Variants in MRPS28 observed in about 807,000 individuals in gnomAD.
MRPS28 encodes the protein mitochondrial ribosomal protein S28.
In MRPS28, 7 loss-of-function variants were observed where a neutral mutation model predicts 10.8. The ratio of observed to expected loss-of-function variants is 0.65; its 90% CI spans 0.37 to 1.22. MRPS28 has a LOEUF of 1.22. MRPS28 is among the 50% of genes most tolerant of loss of function. MRPS28 has a pLI of 0.02. For missense variants in MRPS28, 265 were observed against 232.9 expected, an observed-to-expected ratio of 1.14 and a Z score of -0.90; for synonymous variants, 121 against 93.3, an observed-to-expected ratio of 1.30 and a Z score of -1.71.
intron 2 of MRPS28, among the ~76,000 whole-genome samples, chr8:79,974,992 CA>C (rs1563530731): frequency 6.6e-6 from 1 of 152,020 alleles, no homozygotes; most frequent in African/African-American, 2.4e-5. Flanking sequence ...CAAGTAATTT[CA>C]AATAAATAAG....
intron 1 of MRPS28, among the ~76,000 whole-genome samples, chr8:80,011,971 A>G (rs1484691316): frequency 6.6e-6 from 1 of 152,198 alleles, no homozygotes; most frequent in East Asian, 1.9e-4. Context: ...CCTTGGTTTT[A>G]GAAAATTATT....
intron 2 of MRPS28, among the ~76,000 whole-genome samples, chr8:79,973,200 G>A (rs965243154): frequency 1.4e-4 from 21 of 152,092 alleles, no homozygotes; most frequent in African/African-American, 4.8e-4. Context: ...GATGTCAAGG[G>A]GTTCTGCTTC....
At chr8:79,999,742 T>C (rs1191832576) in intron 2 of MRPS28, among the ~76,000 whole-genome samples, 3 of 152,184 alleles carry the variant, frequency 2.0e-5, no homozygotes, top group Non-Finnish European at 4.4e-5. Flanking sequence ...GTAATCAAAC[T>C]ACTGATGTTA....
intron 1 of MRPS28, among the ~76,000 whole-genome samples, chr8:80,015,405 G>C (rs1024880959): frequency 1.3e-5 from 2 of 152,170 alleles, no homozygotes; most frequent in African/African-American, 4.8e-5. Context: ...TGTCCTGGAG[G>C]AAGGGAAATA....
chr8:79,998,462 T>G (rs1808567969), intron 2 of MRPS28, among the ~76,000 whole-genome samples: 1 of 152,220 alleles, frequency 6.6e-6, no homozygotes, highest in Non-Finnish European at 1.5e-5. Flanking sequence ...TAGATCAAAT[T>G]ACTATTGTTC....
chr8:79,972,192 T>A (rs957615285), intron 2 of MRPS28, among the ~76,000 whole-genome samples: 1 of 152,166 alleles, frequency 6.6e-6, no homozygotes, highest in African/African-American at 2.4e-5. Flanking sequence ...ATAGAATTTA[T>A]CTTATATTAG....
In MRPS28 at chr8:80,030,073, T is replaced by C; in HGVS notation, c.176A>G (p.His59Arg). 6.2e-6 allele frequency: 10 copies of C among 1,613,758 alleles called. No homozygotes were observed. The highest frequency in any genetic ancestry group is 8.5e-6 in the Non-Finnish European group (10 of 1,179,800). ...CTCCACCTTCTGTAGAAGCTCCGAGTGCCGCTCCAACGCGCTCGCGAAACC... is the reference window on the plus strand; with the variant it reads ...CTCCACCTTCTGTAGAAGCTCCGAGCGCCGCTCCAACGCGCTCGCGAAACC... ...AGGFASALER[H>R]SELLQKVEPL... Residue 59 changes from histidine (H) to arginine (R), a missense_variant, in exon 1 of 3, where the codon CAC becomes CGC. Coordinates refer to ENST00000276585, the MANE Select transcript of MRPS28 (RefSeq NM_014018.3).
chr8:79,963,014 G>A (rs1001989707), intron 2 of MRPS28, among the ~76,000 whole-genome samples: 1 of 152,052 alleles, frequency 6.6e-6, no homozygotes, highest in Non-Finnish European at 1.5e-5. Flanking sequence ...GGAAGAGCAT[G>A]GCAATGAAAC....
At chr8:79,976,471 A>G (rs898919259) in intron 2 of MRPS28, among the ~76,000 whole-genome samples, 2 of 152,182 alleles carry the variant, frequency 1.3e-5, no homozygotes, top group Admixed American at 6.5e-5. Flanking sequence ...TTGAGAGGCC[A>G]AGGTAGACGG....
intron 2 of MRPS28, among the ~76,000 whole-genome samples, chr8:79,972,858 TATAG>T (rs1807673535): frequency 6.6e-6 from 1 of 152,238 alleles, no homozygotes; most frequent in Admixed American, 6.5e-5. Context: ...ACACAAGGGC[TATAG>T]ATAAATGTCA....
intron 2 of MRPS28, among the ~76,000 whole-genome samples, chr8:79,976,054 A>G (rs1371198305): frequency 6.6e-6 from 1 of 151,956 alleles, no homozygotes; most frequent in African/African-American, 2.4e-5. Context: ...GTATGCAAAA[A>G]TACTGGCAGA....
chr8:79,981,735 C>T (rs746425298), intron 2 of MRPS28, among the ~76,000 whole-genome samples: 6 of 152,086 alleles, frequency 3.9e-5, no homozygotes, highest in Non-Finnish European at 7.4e-5. Context: ...AGAGTTGACA[C>T]TACTATAAGT....
At chr8:79,927,715 G>A (rs986098132) in intron 2 of MRPS28, among the ~76,000 whole-genome samples, 7 of 152,292 alleles carry the variant, frequency 4.6e-5, no homozygotes, top group Middle Eastern at 3.4e-3. Flanking sequence ...CCCTCAGTGG[G>A]AAGAACTACT....
intron 2 of MRPS28, among the ~76,000 whole-genome samples, chr8:79,938,124 T>G (rs186702885): frequency 6.6e-6 from 1 of 152,264 alleles, no homozygotes; most frequent in Admixed American, 6.5e-5. Context: ...AGGCAACTTC[T>G]GAAGGATGCA....
In MRPS28 at chr8:80,029,951, G is replaced by A. The variant is rs1382231445; in HGVS notation, c.213+85C>T. 1.8e-5 allele frequency: 27 copies of A among 1,541,296 alleles called. No individual in the cohort carries two copies. The Admixed American group carries it at 3.5e-4, about 20-fold the overall frequency. On this transcript the variant is annotated intron_variant, in intron 1 of 2. Coordinates refer to ENST00000276585, the MANE Select transcript of MRPS28 (RefSeq NM_014018.3). ...CCCGGACCTCAGCTCCCCTTCCTAAGCCAGGCTCCGCCCCTATTCCCGACC... is the reference window on the plus strand; with the variant it reads ...CCCGGACCTCAGCTCCCCTTCCTAAACCAGGCTCCGCCCCTATTCCCGACC...
chr8:79,947,321 G>T (rs925202209), intron 2 of MRPS28, among the ~76,000 whole-genome samples: 1 of 152,120 alleles, frequency 6.6e-6, no homozygotes, highest in African/African-American at 2.4e-5. Flanking sequence ...ATACCATACT[G>T]TATTGTTACA....
At chr8:80,020,101 T>C (rs1390667839) in intron 1 of MRPS28, among the ~76,000 whole-genome samples, 1 of 152,148 alleles carries the variant, frequency 6.6e-6, no homozygotes, top group Admixed American at 6.5e-5. Context: ...TTCCAGGTCA[T>C]AGGTAGATTT....
chr8:79,968,583 C>G (rs1335799318), intron 2 of MRPS28, among the ~76,000 whole-genome samples: 1 of 152,098 alleles, frequency 6.6e-6, no homozygotes, highest in African/African-American at 2.4e-5. Flanking sequence ...TCAGCCCCTG[C>G]AACTTTCCCT....
intron 2 of MRPS28, among the ~76,000 whole-genome samples, chr8:79,937,101 T>C (rs1360526542): frequency 6.6e-6 from 1 of 152,152 alleles, no homozygotes; most frequent in African/African-American, 2.4e-5. Context: ...CCTCAAGTGG[T>C]CCTCCTGCCT....
Sources: allele counts gnomAD v4.1 joint callset (sites outside exome capture counted in the v4.1 genomes callset), GRCh38; gene constraint gnomAD v4.1.1; transcripts MANE v1.5; gene names NCBI Gene and HGNC (gene_info 2026-07-23, HGNC 2026-07-21).